Variants in TRPC1 observed in about 807,000 individuals in gnomAD.
The protein encoded by TRPC1 is transient receptor potential cation channel subfamily C member 1.
A neutral mutation model predicts 88.2 loss-of-function variants in TRPC1; 42 were observed. The observed-to-expected ratio is 0.48, with a 90% CI of 0.37 to 0.62. TRPC1 has a LOEUF of 0.62. Ranked by LOEUF, TRPC1 falls within the 20% of genes least tolerant of loss-of-function variation. TRPC1 has a pLI of 0.00. For synonymous variants in TRPC1, 288 were observed against 331.8 expected, an observed-to-expected ratio of 0.87 and a Z score of 1.43; for missense variants, 699 against 957.3, an observed-to-expected ratio of 0.73 and a Z score of 3.56.
At position 142,762,662 on chromosome 3, in the gene TRPC1, C is replaced by A. The variant is rs148424151; in HGVS notation, c.632+14202C>A. ...CAGACTGCTCTCAAACTCCTGACCT[C>A]AAGTGATCCTCCTATCGTGGCCTCC... On this transcript the variant is annotated intron_variant, in intron 4 of 12. Transcript: ENST00000476941. Among the ~76,000 whole-genome samples the A allele has an allele frequency of 8.0e-3, 1,210 of 152,004 alleles. 4 individuals carry two copies. The highest frequency in any genetic ancestry group is 0.013 in the Non-Finnish European group (866 of 67,968).
chr3:142,757,822 A>G (rs984962311), intron 4 of TRPC1, among the ~76,000 whole-genome samples: 1 of 152,120 alleles, frequency 6.6e-6, no homozygotes, highest in East Asian at 1.9e-4. Flanking sequence ...AATTAAAAAA[A>G]AATTTTTTTG....
At chr3:142,733,547 A>G (rs1934013349) in intron 1 of TRPC1, among the ~76,000 whole-genome samples, 1 of 152,158 alleles carries the variant, frequency 6.6e-6, no homozygotes, top group Non-Finnish European at 1.5e-5. Context: ...GCTGGAATAT[A>G]TGATATTTGT....
At chr3:142,758,572 T>G (rs1264782201) in intron 4 of TRPC1, among the ~76,000 whole-genome samples, 1 of 152,232 alleles carries the variant, frequency 6.6e-6, no homozygotes. Context: ...TTTGCAAATA[T>G]AGTCTCCCAT....
At position 142,786,392 on chromosome 3, in the gene TRPC1, A is replaced by C. The variant is rs528020170; in HGVS notation, c.1297+1352A>C. ...AGAATGTTTATTTGAAAATCAGTTA[A>C]TTTCAGGTAACTAGATTGTAATTAG... On this transcript the variant is annotated intron_variant, in intron 7 of 12. Transcript: ENST00000476941. Among the ~76,000 whole-genome samples, 80 of 152,262 alleles carry C rather than the reference A, an allele frequency of 5.3e-4. 1 individual carries two copies. The highest frequency in any genetic ancestry group is 1.9e-3 in the African/African-American group (77 of 41,558).
At chr3:142,751,939 C>G (rs1250335091) in intron 4 of TRPC1, among the ~76,000 whole-genome samples, 1 of 152,164 alleles carries the variant, frequency 6.6e-6, no homozygotes, top group African/African-American at 2.4e-5. Context: ...ATAGCGATGG[C>G]TACATCACTT....
At chr3:142,797,094 A>G (rs1936476377) in intron 9 of TRPC1, among the ~76,000 whole-genome samples, 1 of 152,022 alleles carries the variant, frequency 6.6e-6, no homozygotes, top group Non-Finnish European at 1.5e-5. Flanking sequence ...TACAAAAGCA[A>G]CAAGTCTCCC....
At chr3:142,765,941 GA>G (rs1935370020) in intron 4 of TRPC1, among the ~76,000 whole-genome samples, 1 of 151,326 alleles carries the variant, frequency 6.6e-6, no homozygotes, top group African/African-American at 2.4e-5. Context: ...ACAAGCATAT[GA>G]AAAAAAGGCT....
intron 6 of TRPC1, among the ~76,000 whole-genome samples, chr3:142,784,457 A>G (rs1936065773): frequency 1.3e-5 from 2 of 152,286 alleles, no homozygotes; most frequent in Middle Eastern, 3.4e-3. Flanking sequence ...GAAATTTAAA[A>G]ACTTGTTAAA....
chr3:142,753,117 G>A (rs1331518109), intron 4 of TRPC1, among the ~76,000 whole-genome samples: 2 of 152,136 alleles, frequency 1.3e-5, no homozygotes, highest in Non-Finnish European at 2.9e-5. Flanking sequence ...TGTTAAATAA[G>A]TGTGTAGTTG....
At position 142,792,069 on chromosome 3, in the gene TRPC1, T is replaced by C. The variant is rs1364868927; in HGVS notation, c.1438-755T>C. Among the ~76,000 whole-genome samples the C allele has an allele frequency of 1.3e-5, 2 of 152,036 alleles. No individual in the cohort carries two copies. The highest frequency in any genetic ancestry group is 2.9e-5 in the Non-Finnish European group (2 of 67,936). ...ATTATTTTACATAATTTTACTTTAT[T>C]AAAAAATTCTGTTTAATTGATCAGT... On this transcript the variant is annotated intron_variant, in intron 8 of 12. Coordinates refer to ENST00000476941, the MANE Select transcript of TRPC1 (RefSeq NM_001251845.2). The surrounding 1 kb of genome is among the most constrained non-coding windows in gnomAD (Gnocchi z 4.0).
chr3:142,724,598 C>T lies in TRPC1; in HGVS notation c.39C>T (p.Gly13=), dbSNP rs780146088. 1 of 1,601,314 alleles carries T rather than the reference C, an allele frequency of 6.2e-7. No homozygotes were observed. The highest frequency in any genetic ancestry group is 1.1e-5 in the South Asian group (1 of 89,248). Residue 13 remains glycine, a synonymous_variant, in exon 1 of 13, where the codon GGC becomes GGT. Transcript: ENST00000476941. The surrounding 1 kb of genome is among the most constrained non-coding windows in gnomAD (Gnocchi z 5.6). ...AALYPSTDLS[G]ASSSSLPSSP... is the part of the protein sequence containing the mutation. Reference sequence around the variant, plus strand: ...TGTACCCGAGCACGGACCTCTCGGGCGCCTCCTCCTCCTCCCTGCCTTCCT... The same window carrying T: ...TGTACCCGAGCACGGACCTCTCGGGTGCCTCCTCCTCCTCCCTGCCTTCCT...
At chr3:142,786,247 T>G (rs150627638) in intron 7 of TRPC1, among the ~76,000 whole-genome samples, 33 of 152,314 alleles carry the variant, frequency 2.2e-4, no homozygotes, top group Middle Eastern at 3.4e-3. Flanking sequence ...CACAAAGTAC[T>G]GAGTGTATTT....
chr3:142,758,832 C>A, intron 4 of TRPC1, among the ~76,000 whole-genome samples: 1 of 135,364 alleles, frequency 7.4e-6, no homozygotes. Flanking sequence ...CCCCCTCCCC[C>A]ACCCCACAAT....
intron 1 of TRPC1, among the ~76,000 whole-genome samples, chr3:142,727,890 A>G (rs1933748245): frequency 6.6e-6 from 1 of 152,082 alleles, no homozygotes; most frequent in Non-Finnish European, 1.5e-5. Context: ...GTAGGCACCT[A>G]TGGTGTCCCT....
intron 2 of TRPC1, among the ~76,000 whole-genome samples, chr3:142,743,191 T>C (rs1457527689): frequency 3.3e-5 from 5 of 152,240 alleles, no homozygotes; most frequent in Admixed American, 6.5e-5. Flanking sequence ...AATTTTCAAC[T>C]TTAAATCCTG....
intron 9 of TRPC1, among the ~76,000 whole-genome samples, chr3:142,794,666 T>A (rs1280240815): frequency 1.3e-5 from 2 of 152,086 alleles, no homozygotes; most frequent in African/African-American, 4.8e-5. Context: ...AGATCTGCAG[T>A]TGTCTCCCTT....
chr3:142,806,311 T>A lies in TRPC1; in HGVS notation c.*76T>A, dbSNP rs1216131057. The A allele has an allele frequency of 9.3e-7, 1 of 1,080,998 alleles. No homozygotes were observed. The highest frequency in any genetic ancestry group is 1.6e-5 in the African/African-American group (1 of 62,514). 67.0% of individuals were successfully genotyped at this position (1,080,998 alleles called of 1,614,324 possible). ...CTATATTGCATAACTTGCAATGAAA[T>A]TAATGAGATATATATTGAAATAAAG... On this transcript the variant is annotated 3_prime_UTR_variant, in exon 13 of 13. Transcript: ENST00000476941.
chr3:142,777,870 C>T, intron 5 of TRPC1, 107 bp downstream of exon 5: 1 of 1,217,952 alleles, frequency 8.2e-7, no homozygotes, highest in Non-Finnish European at 1.1e-6. Context: ...GATCCAAGAA[C>T]ACTACACCTT....
In TRPC1 at chr3:142,803,403, A is replaced by G. The variant is rs569428985; in HGVS notation, c.1758-574A>G. On this transcript the variant is annotated intron_variant, in intron 10 of 12. Coordinates refer to ENST00000476941, the MANE Select transcript of TRPC1 (RefSeq NM_001251845.2). The stretch of plus-strand genomic sequence containing the variant: ...CAGTGTGGATGGAATGTGTTGAATC[A>G]GAGGGGGAGTTGTAGGAAATGAAGT... Among the ~76,000 whole-genome samples, 138 of 152,350 alleles carry G rather than the reference A, an allele frequency of 9.1e-4. 1 individual carries two copies. Among genetic ancestry groups the G allele is most frequent in the Admixed American group, 2.1e-3 (32 of 15,294 alleles).
Sources: gnomAD v4.1 joint callset for allele counts (sites outside exome capture counted in the v4.1 genomes callset) on GRCh38, gnomAD v4.1.1 for gene constraint, Gnocchi (gnomAD v3.1) non-coding constraint, MANE v1.5 for transcripts, NCBI Gene and HGNC (gene_info 2026-07-23, HGNC 2026-07-21) for gene names.